PRMT8: variants seen among roughly 807,000 people sequenced by gnomAD.
PRMT8 encodes protein arginine methyltransferase 8.
Under a neutral mutation model 47.1 loss-of-function variants are expected in PRMT8, and 7 were observed. The observed-to-expected ratio is 0.15, with a 90% CI of 0.08 to 0.28. The LOEUF is 0.28. PRMT8 is among the 10% of genes least tolerant of loss of function. PRMT8 has a pLI of 1.00. For synonymous variants in PRMT8, 188 were observed against 186.5 expected, an observed-to-expected ratio of 1.01 and a Z score of -0.07; for missense variants, 237 against 505.4, an observed-to-expected ratio of 0.47 and a Z score of 5.09.
At chr12:3,426,364 C>CA (rs1312738093) in intron 1 of PRMT8, among the ~76,000 whole-genome samples, 10 of 152,094 alleles carry the variant, frequency 6.6e-5, no homozygotes, top group African/African-American at 2.4e-4. Context: ...TAGGAAACTA[C>CA]AAAAAATGGT....
chr12:3,487,140 G>T (rs115159057), upstream of PRMT8, among the ~76,000 whole-genome samples: 1,180 of 152,324 alleles, frequency 7.7e-3, 14 homozygotes, highest in African/African-American at 0.026. Context: ...CACTGCTGGG[G>T]TAGCTGCCAT....
intron 1 of PRMT8, among the ~76,000 whole-genome samples, chr12:3,431,244 C>T (rs1864672333): frequency 6.6e-6 from 1 of 152,104 alleles, no homozygotes; most frequent in African/African-American, 2.4e-5. Context: ...AAAGTTACAG[C>T]AGTGGTTTGA....
chr12:3,497,924 G>T (rs951477699), intron 1 of PRMT8, among the ~76,000 whole-genome samples: 1 of 152,240 alleles, frequency 6.6e-6, no homozygotes, highest in Non-Finnish European at 1.5e-5. Flanking sequence ...GCTCTTCCGT[G>T]TTGGGGTCAA....
rs1163216444 is a variant in PRMT8 at position 3,593,025 on chromosome 12, T to C, written c.1102-74T>C. ...CCATCCCTGTGGTTCCAGGAGCAGGTGGTGCCAGAGAGTGGGGCTGTGGCT... is the reference window on the plus strand; with the variant it reads ...CCATCCCTGTGGTTCCAGGAGCAGGCGGTGCCAGAGAGTGGGGCTGTGGCT... On this transcript the variant is annotated intron_variant, in intron 9 of 9. Coordinates refer to ENST00000382622, the MANE Select transcript of PRMT8 (RefSeq NM_019854.5). This position sits in a 1 kb window ranked among gnomAD's most constrained non-coding sequence, Gnocchi z 4.8. 1.7e-6 allele frequency: 2 copies of C among 1,168,066 alleles called. No homozygotes were observed. Among genetic ancestry groups the C allele is most frequent in the Non-Finnish European group, 2.6e-6 (2 of 782,564 alleles). 72.4% of individuals were successfully genotyped at this position (1,168,066 alleles called of 1,614,324 possible).
intron 6 of PRMT8, among the ~76,000 whole-genome samples, chr12:3,571,075 T>G (rs902366814): frequency 6.6e-6 from 1 of 152,198 alleles, no homozygotes; most frequent in African/African-American, 2.4e-5. Context: ...GAGGATTAAG[T>G]GAGATGACAT....
At chr12:3,513,794 C>G (rs1021039270) in intron 1 of PRMT8, among the ~76,000 whole-genome samples, 2 of 152,166 alleles carry the variant, frequency 1.3e-5, no homozygotes, top group African/African-American at 4.8e-5. Context: ...TCATAAGTTA[C>G]CAGTCTTGGA....
rs1033329671 is a variant in PRMT8 at position 3,552,961 on chromosome 12, C to T, written c.418-690C>T. ...CCTGGCAGTGTGCCTGAGACGCTAA[C>T]CCTGGGCTGGAGCTTGGCTTCCAAC... On this transcript the variant is annotated intron_variant, in intron 3 of 9. Transcript: ENST00000382622. This position sits in a 1 kb window ranked among gnomAD's most constrained non-coding sequence, Gnocchi z 4.5. 31 of 332,608 alleles carry T rather than the reference C, an allele frequency of 9.3e-5. No homozygotes were observed. The highest frequency in any genetic ancestry group is 6.0e-5 in the Non-Finnish European group (10 of 166,014). The allele number at this position is 332,608 out of a possible 1,614,324, so 20.6% of individuals were successfully genotyped here. A position where few individuals can be genotyped will look rare whatever the true frequency, so the allele number is the denominator to read the frequency against.
At chr12:3,511,728 G>T (rs1045948105) in intron 1 of PRMT8, among the ~76,000 whole-genome samples, 1 of 152,164 alleles carries the variant, frequency 6.6e-6, no homozygotes, top group African/African-American at 2.4e-5. Context: ...TGTTCTATTG[G>T]TGCCTGCTTC....
chr12:3,491,137 C>A (rs1865388116), upstream of PRMT8: 8 of 985,178 alleles, frequency 8.1e-6, no homozygotes, highest in Non-Finnish European at 8.4e-6. Context: ...CCGGCTCCAG[C>A]GAACCTCCTA....
At chr12:3,496,772 T>A (rs574153545) in intron 1 of PRMT8, among the ~76,000 whole-genome samples, 3 of 152,298 alleles carry the variant, frequency 2.0e-5, no homozygotes, top group Admixed American at 2.0e-4. Context: ...GCCAAAAAAG[T>A]GCAAACTGAA....
intron 1 of PRMT8, among the ~76,000 whole-genome samples, chr12:3,517,645 G>C (rs946696093): frequency 6.6e-6 from 1 of 152,134 alleles, no homozygotes; most frequent in East Asian, 1.9e-4. Flanking sequence ...TCCATTGAGG[G>C]AGGCTGAGTA....
intron 1 of PRMT8, among the ~76,000 whole-genome samples, chr12:3,421,292 C>G (rs1171315337): frequency 6.6e-6 from 1 of 152,216 alleles, no homozygotes; most frequent in African/African-American, 2.4e-5. Context: ...CAGAAGGACA[C>G]TCCTGCAAGC....
At chr12:3,459,660 G>GT (rs1287301389) in intron 1 of PRMT8, among the ~76,000 whole-genome samples, 1 of 152,224 alleles carries the variant, frequency 6.6e-6, no homozygotes, top group Non-Finnish European at 1.5e-5. Flanking sequence ...ACAGAGGGCT[G>GT]TTTGGGGTGG....
chr12:3,586,840 T>A (rs74056245), intron 8 of PRMT8, among the ~76,000 whole-genome samples: 2,483 of 152,292 alleles, frequency 0.016, 62 homozygotes, highest in African/African-American at 0.056. Flanking sequence ...TCACCAAGAC[T>A]CTTTGCTTTC....
At chr12:3,448,640 C>T (rs976363611) in intron 1 of PRMT8, among the ~76,000 whole-genome samples, 2 of 152,094 alleles carry the variant, frequency 1.3e-5, no homozygotes, top group South Asian at 2.1e-4. Context: ...ACCAAAAAGT[C>T]GCCTGATATC....
At chr12:3,438,675 G>A (rs1023387536) in intron 1 of PRMT8, among the ~76,000 whole-genome samples, 4 of 152,194 alleles carry the variant, frequency 2.6e-5, no homozygotes, top group African/African-American at 9.7e-5. Context: ...ATTTGCACAG[G>A]TTTACTTATC....
chr12:3,559,801 C>A (rs1164802200), intron 4 of PRMT8, among the ~76,000 whole-genome samples: 1 of 152,200 alleles, frequency 6.6e-6, no homozygotes, highest in Non-Finnish European at 1.5e-5. Context: ...TTGAGCCGGG[C>A]TGCTGTGGTC....
Position 3,593,226 on chromosome 12 carries a change from A to C in PRMT8, c.*44A>C. 56 of 1,497,712 alleles carry C rather than the reference A, an allele frequency of 3.7e-5. No individual in the cohort carries two copies. The highest frequency in any genetic ancestry group is 1.7e-4 in the Middle Eastern group (1 of 5,828). The allele number at this position is 1,497,712 out of a possible 1,614,324, so 92.8% of individuals were successfully genotyped here. On this transcript the variant is annotated 3_prime_UTR_variant, in exon 10 of 10. Coordinates refer to ENST00000382622, the MANE Select transcript of PRMT8 (RefSeq NM_019854.5). This position sits in a 1 kb window ranked among gnomAD's most constrained non-coding sequence, Gnocchi z 4.8. Reference sequence around the variant, plus strand: ...GAGAGCAACGAGAAAAGGAACTCTCACCTCGATCTGCCGTGCCGTCCCAAA... The same window carrying C: ...GAGAGCAACGAGAAAAGGAACTCTCCCCTCGATCTGCCGTGCCGTCCCAAA...
At chr12:3,470,624 C>G (rs185665643) in intron 1 of PRMT8, among the ~76,000 whole-genome samples, 1 of 150,142 alleles carries the variant, frequency 6.7e-6, no homozygotes, top group African/African-American at 2.5e-5. Context: ...CTTCCTGGAA[C>G]AGGGTCTCCA....
Sources: allele counts gnomAD v4.1 joint callset (sites outside exome capture counted in the v4.1 genomes callset), GRCh38; gene constraint gnomAD v4.1.1; non-coding constraint Gnocchi (gnomAD v3.1); transcripts MANE v1.5; gene names NCBI Gene and HGNC (gene_info 2026-07-23, HGNC 2026-07-21).